INSL4: variants seen among roughly 807,000 people sequenced by gnomAD.
INSL4 encodes the protein insulin like 4, also known as early placenta insulin-like peptide.
Under a neutral mutation model 6.5 loss-of-function variants are expected in INSL4, and 7 were observed. That is an observed-to-expected ratio of 1.08 (90% CI 0.61 to 2.02). INSL4 has a LOEUF of 2.02. INSL4 is among the 30% of genes most tolerant of loss of function. INSL4 has a pLI of 0.00. For synonymous variants in INSL4, 82 were observed against 65.8 expected, an observed-to-expected ratio of 1.25 and a Z score of -1.19; for missense variants, 226 against 163.2, an observed-to-expected ratio of 1.38 and a Z score of -2.09.
rs1826202852 is a variant in INSL4, at chr9:5,234,826, C to G, written c.*949C>G. Reference sequence around the variant, plus strand: ...GGTCCTATAAACTTAATTCAAGTGGCATGATTTGAGTAGCCCCCTGTGCCT... The same window carrying G: ...GGTCCTATAAACTTAATTCAAGTGGGATGATTTGAGTAGCCCCCTGTGCCT... On this transcript the variant is annotated 3_prime_UTR_variant, in exon 2 of 2. Transcript: ENST00000239316. 1 of 151,954 alleles carries G rather than the reference C, an allele frequency of 6.6e-6. No homozygotes were observed. Among genetic ancestry groups the G allele is most frequent in the Non-Finnish European group, 1.5e-5 (1 of 68,040 alleles). 9.4% of individuals were successfully genotyped at this position (151,954 alleles called of 1,614,324 possible).
Position 5,233,944 on chromosome 9 carries a change from G to A in INSL4, c.*67G>A, listed in dbSNP as rs999471581. ...TATTCTCAATGACAAATTCACTGAT[G>A]CCCAATTAAATGATTGCTGTTTATT... On this transcript the variant is annotated 3_prime_UTR_variant, in exon 2 of 2. Coordinates refer to ENST00000239316, the MANE Select transcript of INSL4 (RefSeq NM_002195.2). 1.5e-5 allele frequency: 16 copies of A among 1,034,424 alleles called. No individual in the cohort carries two copies. Among genetic ancestry groups the A allele is most frequent in the Non-Finnish European group, 2.2e-5 (15 of 669,384 alleles). 64.1% of individuals were successfully genotyped at this position (1,034,424 alleles called of 1,614,324 possible). A position where few individuals can be genotyped will look rare whatever the true frequency, so the allele number is the denominator to read the frequency against.
chr9:5,233,277 T>A (rs1273787229), intron 1 of INSL4, among the ~76,000 whole-genome samples: 1 of 152,156 alleles, frequency 6.6e-6, no homozygotes, highest in Admixed American at 6.6e-5. Context: ...TATCTGAATC[T>A]TTCTATTAGA....
rs1328654442 is a variant in INSL4 at position 5,231,782 on chromosome 9, T to C, written c.196+63T>C. On this transcript the variant is annotated intron_variant, in intron 1 of 1. Coordinates refer to ENST00000239316, the MANE Select transcript of INSL4 (RefSeq NM_002195.2). ...CTGAAAAAACAGGCTCCAGATCTCA[T>C]TGACTGCCTGTAGTCAACTCAGACT... 1.7e-5 allele frequency: 24 copies of C among 1,439,120 alleles called. 1 individual carries two copies. The highest frequency in any genetic ancestry group is 1.4e-4 in the South Asian group (11 of 80,312). 89.1% of individuals were successfully genotyped at this position (1,439,120 alleles called of 1,614,324 possible).
At chr9:5,232,004 A>C (rs1826153663) in intron 1 of INSL4, among the ~76,000 whole-genome samples, 1 of 152,152 alleles carries the variant, frequency 6.6e-6, no homozygotes, top group African/African-American at 2.4e-5. Context: ...AAAACAGGGA[A>C]TCCTCAGAGA....
rs1231308358 is a variant in INSL4 at position 5,232,955 on chromosome 9, A to G, written c.197-699A>G. Among the ~76,000 whole-genome samples, 5 of 152,288 alleles carry G rather than the reference A, an allele frequency of 3.3e-5. 1 individual carries two copies. The South Asian group carries it at 8.3e-4, about 25-fold the overall frequency. ...ATTTCCTTTTTTTACATTATTAGTC[A>G]GAGCTTGTTTCATTTTACTATAAAA... On this transcript the variant is annotated intron_variant, in intron 1 of 1. Transcript: ENST00000239316.
In INSL4 at chr9:5,234,327, A is replaced by C. The variant is rs1826194359; in HGVS notation, c.*450A>C. 6.1e-6 allele frequency: 1 copy of C among 164,290 alleles called. No individual in the cohort carries two copies. Among genetic ancestry groups the C allele is most frequent in the Non-Finnish European group, 1.3e-5 (1 of 75,810 alleles). 10.2% of individuals were successfully genotyped at this position (164,290 alleles called of 1,614,324 possible). A position where few individuals can be genotyped will look rare whatever the true frequency, so the allele number is the denominator to read the frequency against. ...AATTTTTAAAGTTTTACACACATAA[A>C]CACATACGTTCACACACACTCACTC... is the stretch of plus-strand genomic sequence containing the variant. On this transcript the variant is annotated 3_prime_UTR_variant, in exon 2 of 2. Coordinates refer to ENST00000239316, the MANE Select transcript of INSL4 (RefSeq NM_002195.2).
chr9:5,233,981 A>C lies in INSL4; in HGVS notation c.*104A>C. On this transcript the variant is annotated 3_prime_UTR_variant, in exon 2 of 2. Coordinates refer to ENST00000239316, the MANE Select transcript of INSL4 (RefSeq NM_002195.2). ...GATTGCTGTTTATTAGAACATGAGA[A>C]TCATTATTAGTATTCACATGTTTCA... 1.3e-6 allele frequency: 1 copy of C among 767,724 alleles called. No homozygotes were observed. Among genetic ancestry groups the C allele is most frequent in the South Asian group, 1.7e-5 (1 of 59,438 alleles). The allele number at this position is 767,724 out of a possible 1,614,324, so 47.6% of individuals were successfully genotyped here.
intron 1 of INSL4, among the ~76,000 whole-genome samples, chr9:5,232,902 G>T (rs1230483222): frequency 6.6e-6 from 1 of 152,116 alleles, no homozygotes; most frequent in Non-Finnish European, 1.5e-5. Flanking sequence ...CTTGGATTTT[G>T]TGTGATTTAT....
Position 5,235,164 on chromosome 9 carries a change from G to A in INSL4, c.*1287G>A, listed in dbSNP as rs188777271. On this transcript the variant is annotated 3_prime_UTR_variant, in exon 2 of 2. Transcript: ENST00000239316. Reference sequence around the variant, plus strand: ...AGCATAGCATGTGTGGAAACAGCCAGAGTCAGCAGGGCAGGAGGTGGTGTG... The same window carrying A: ...AGCATAGCATGTGTGGAAACAGCCAAAGTCAGCAGGGCAGGAGGTGGTGTG... The A allele has an allele frequency of 7.8e-5, 12 of 153,278 alleles. No individual in the cohort carries two copies. Among genetic ancestry groups the A allele is most frequent in the Admixed American group, 6.5e-4 (10 of 15,272 alleles). 9.5% of individuals were successfully genotyped at this position (153,278 alleles called of 1,614,324 possible).
chr9:5,231,842 T>C, intron 1 of INSL4, 123 bp downstream of exon 1: 1 of 809,270 alleles, frequency 1.2e-6, no homozygotes, highest in Non-Finnish European at 1.9e-6. Flanking sequence ...TTGTGGTTTT[T>C]CATTGTAATG....
intron 1 of INSL4, among the ~76,000 whole-genome samples, chr9:5,231,924 CA>C (rs1826152478): frequency 6.6e-6 from 1 of 152,100 alleles, no homozygotes; most frequent in African/African-American, 2.4e-5. Flanking sequence ...GCAGGAAAAA[CA>C]GAAGAACAGC....
Position 5,234,926 on chromosome 9 carries a change from C to G in INSL4, c.*1049C>G, listed in dbSNP as rs897992462. On this transcript the variant is annotated 3_prime_UTR_variant, in exon 2 of 2. Coordinates refer to ENST00000239316, the MANE Select transcript of INSL4 (RefSeq NM_002195.2). The stretch of plus-strand genomic sequence containing the variant: ...AATAAGTGCAATGATACTTGTAGGT[C>G]ATCATAGAGACTGTAATGATCCACA... The G allele has an allele frequency of 1.3e-5, 2 of 152,034 alleles. No homozygotes were observed. The highest frequency in any genetic ancestry group is 2.4e-5 in the African/African-American group (1 of 41,388). The allele number at this position is 152,034 out of a possible 1,614,324, so 9.4% of individuals were successfully genotyped here.
Position 5,231,675 on chromosome 9 carries a change from C to G in INSL4, c.152C>G (p.Thr51Ser), listed in dbSNP as rs1563713910. 3 of 1,613,676 alleles carry G rather than the reference C, an allele frequency of 1.9e-6. No homozygotes were observed. Among genetic ancestry groups the G allele is most frequent in the Non-Finnish European group, 2.5e-6 (3 of 1,179,828 alleles). ...SYCPMPEKTF[T>S]TTPGGWLLES... is the part of the protein sequence containing the mutation. The stretch of plus-strand genomic sequence containing the variant: ...TGCCCCATGCCTGAGAAGACATTCA[C>G]CACCACCCCAGGAGGGTGGCTGCTG... Residue 51 changes from threonine (T) to serine (S), a missense_variant, in exon 1 of 2, where the codon ACC becomes AGC. By Grantham distance (58) the Thr-to-Ser change is moderately conservative. Coordinates refer to ENST00000239316, the MANE Select transcript of INSL4 (RefSeq NM_002195.2).
intron 1 of INSL4, 104 bp downstream of exon 1, chr9:5,231,823 C>T (rs1826150875): frequency 1.0e-6 from 1 of 983,790 alleles, no homozygotes; most frequent in Non-Finnish European, 1.5e-6. Context: ...GTGGCTAGTG[C>T]CTACAAGTTT....
At position 5,233,875 on chromosome 9, in the gene INSL4, T is replaced by G. The variant is rs889574611; in HGVS notation, c.418T>G (p.Ter140GluextTer1). ...DDGTSVKLCT* is the reference protein window; with the variant it reads ...DDGTSVKLCTE Reference sequence around the variant, plus strand: ...TGGAACTTCAGTTAAATTATGTACATAGTAGAGTAATCATGGACTGGACAT... The same window carrying G: ...TGGAACTTCAGTTAAATTATGTACAGAGTAGAGTAATCATGGACTGGACAT... The change falls in exon 2 of 2, where the codon TAG (stop) becomes GAG (glutamate). Residue 140 changes from the stop codon to glutamate (E), a stop_lost. Coordinates refer to ENST00000239316, the MANE Select transcript of INSL4 (RefSeq NM_002195.2). 1.9e-6 allele frequency: 3 copies of G among 1,589,052 alleles called. No individual in the cohort carries two copies. Among genetic ancestry groups the G allele is most frequent in the African/African-American group, 1.3e-5 (1 of 74,372 alleles).
chr9:5,231,448 A>C lies in INSL4; in HGVS notation c.-76A>C. ...TGGAGCCCAGAAGGGACACACCAGC[A>C]CAGTCTGGTAGGCTACAGCAGCAAG... On this transcript the variant is annotated 5_prime_UTR_variant, in exon 1 of 2. Coordinates refer to ENST00000239316, the MANE Select transcript of INSL4 (RefSeq NM_002195.2). 1 of 1,416,390 alleles carries C rather than the reference A, an allele frequency of 7.1e-7. No homozygotes were observed. The highest frequency in any genetic ancestry group is 9.7e-7 in the Non-Finnish European group (1 of 1,034,232). The allele number at this position is 1,416,390 out of a possible 1,614,324, so 87.7% of individuals were successfully genotyped here. A position where few individuals can be genotyped will look rare whatever the true frequency, so the allele number is the denominator to read the frequency against.
Position 5,231,719 on chromosome 9 carries a change from G to A in INSL4, c.196G>A (p.Glu66Lys). 6.2e-7 allele frequency: 1 copy of A among 1,613,236 alleles called. No homozygotes were observed. Among genetic ancestry groups the A allele is most frequent in the Non-Finnish European group, 8.5e-7 (1 of 1,179,508 alleles). ...GWLLESGRPKEMVSTSNNKDG... is the reference protein window; with the variant it reads ...GWLLESGRPKKMVSTSNNKDG... ...GCTGCTGGAATCTGGACGTCCCAAA[G>A]GTGAGAGCCCTGGACTACCAAACAA... is the stretch of plus-strand genomic sequence containing the variant. The change falls in exon 1 of 2, where the codon GAA (glutamate) becomes AAA (lysine). Residue 66 changes from glutamate (E) to lysine (K), a missense_variant and splice_region_variant. Glu to Lys is a moderately conservative substitution (Grantham distance 56). Transcript: ENST00000239316.
rs1826191167 is a variant in INSL4 at position 5,234,088 on chromosome 9, G to A, written c.*211G>A. 2.8e-5 allele frequency: 14 copies of A among 498,306 alleles called. No homozygotes were observed. The highest frequency in any genetic ancestry group is 1.3e-4 in the South Asian group (5 of 37,498). 30.9% of individuals were successfully genotyped at this position (498,306 alleles called of 1,614,324 possible). On this transcript the variant is annotated 3_prime_UTR_variant, in exon 2 of 2. Transcript: ENST00000239316. The stretch of plus-strand genomic sequence containing the variant: ...GTTCTAGTAGTTGATAGTACAATGG[G>A]GAAATTATACTTAACAATAATTCAC...
intron 1 of INSL4, among the ~76,000 whole-genome samples, chr9:5,232,433 T>C (rs560205625): frequency 2.2e-4 from 34 of 152,246 alleles, no homozygotes; most frequent in Non-Finnish European, 3.8e-4. Flanking sequence ...AGAAAGAAAG[T>C]GGCCTGGATG....
Sources: allele counts gnomAD v4.1 joint callset (sites outside exome capture counted in the v4.1 genomes callset), GRCh38; gene constraint gnomAD v4.1.1; transcripts MANE v1.5; gene names NCBI Gene and HGNC (gene_info 2026-07-23, HGNC 2026-07-21).